Variants in SOX13 observed in about 807,000 individuals in gnomAD.
SOX13 encodes SRY-box transcription factor 13, also known as transcription factor SOX-13.
A neutral mutation model predicts 71.8 loss-of-function variants in SOX13; 28 were observed. The ratio of observed to expected loss-of-function variants is 0.39; its 90% CI spans 0.29 to 0.53. The LOEUF is 0.53. SOX13 is among the 20% of genes least tolerant of loss of function. SOX13 has a pLI of 0.70. For synonymous variants in SOX13, 309 were observed against 317.8 expected, an observed-to-expected ratio of 0.97 and a Z score of 0.29; for missense variants, 627 against 810.3, an observed-to-expected ratio of 0.77 and a Z score of 2.75.
intron 7 of SOX13, chr1:204,119,993 G>A (rs975761474): frequency 3.9e-4 from 59 of 152,290 alleles, no homozygotes; most frequent in African/African-American, 1.3e-3. Context: ...GAGACAAAGC[G>A]AGACATACAG....
At chr1:204,121,680 C>T (rs775867152) in intron 7 of SOX13, among the ~76,000 whole-genome samples, 4 of 150,562 alleles carry the variant, frequency 2.7e-5, no homozygotes, top group South Asian at 2.2e-4. Context: ...TTGGGAAGGG[C>T]GGGAACCCAG....
intron 1 of SOX13, among the ~76,000 whole-genome samples, chr1:204,112,496 T>C (rs1656598250): frequency 1.2e-5 from 1 of 80,784 alleles, no homozygotes; most frequent in Admixed American, 1.6e-4. Context: ...CATGCACACA[T>C]GCGTGCACAC....
intron 1 of SOX13, among the ~76,000 whole-genome samples, chr1:204,101,531 C>G (rs955209186): frequency 7.2e-6 from 1 of 138,438 alleles, no homozygotes; most frequent in African/African-American, 2.7e-5. Flanking sequence ...GGCAGGAGGC[C>G]TTGGAAACAT....
intron 1 of SOX13, among the ~76,000 whole-genome samples, chr1:204,077,547 T>C (rs1655809148): frequency 6.6e-6 from 1 of 152,188 alleles, no homozygotes; most frequent in African/African-American, 2.4e-5. Flanking sequence ...GAACAGTTTA[T>C]AACCTGGAAA....
At position 204,112,993 on chromosome 1, in the gene SOX13, AGAG is replaced by A. The variant is rs755710419; in HGVS notation, c.82_84del (p.Glu28del). The A allele has an allele frequency of 2.4e-5, 38 of 1,613,480 alleles. No homozygotes were observed. Among genetic ancestry groups the A allele is most frequent in the East Asian group, 8.9e-5 (4 of 44,896 alleles). The stretch of plus-strand genomic sequence containing the variant: ...CCATGGTGAACTGCACCATCAAGTC[AGAG>A]GAGAAGAAAGAGCCTTGCCACGAGG... On this transcript the variant is annotated inframe_deletion, in exon 2 of 14. Coordinates refer to ENST00000367204, the MANE Select transcript of SOX13 (RefSeq NM_005686.3).
At chr1:204,114,283 TC>T in intron 2 of SOX13, 37 bp from the exon 3 acceptor site, 1 of 1,407,816 alleles carries the variant, frequency 7.1e-7, no homozygotes, top group East Asian at 2.4e-5. Context: ...TGTCCCCTTC[TC>T]TTGGGGGTTA....
At chr1:204,116,067 C>T (rs1003281173) in intron 4 of SOX13, 1 of 852,520 alleles carries the variant, frequency 1.2e-6, no homozygotes, top group African/African-American at 1.8e-5. Context: ...AAATTGGTAA[C>T]TTGCCTAACA....
chr1:204,109,353 G>A (rs532482913), intron 1 of SOX13, among the ~76,000 whole-genome samples: 1 of 152,314 alleles, frequency 6.6e-6, no homozygotes, highest in South Asian at 2.1e-4. Flanking sequence ...CTCTGTCAAC[G>A]ACCGAACACA....
intron 1 of SOX13, among the ~76,000 whole-genome samples, chr1:204,080,295 A>T (rs1312498664): frequency 2.0e-5 from 3 of 151,992 alleles, no homozygotes; most frequent in African/African-American, 4.8e-5. Context: ...GGGCAGGGTT[A>T]GGGGGAGGGG....
chr1:204,094,957 G>T (rs1251482724), intron 1 of SOX13, among the ~76,000 whole-genome samples: 1 of 152,170 alleles, frequency 6.6e-6, no homozygotes, highest in African/African-American at 2.4e-5. Context: ...AAACTGGGAA[G>T]GCTGCCCAGT....
intron 1 of SOX13, among the ~76,000 whole-genome samples, chr1:204,109,559 C>A (rs1467379343): frequency 6.6e-6 from 1 of 152,130 alleles, no homozygotes; most frequent in African/African-American, 2.4e-5. Context: ...GTAGGCTGTA[C>A]CATCTAGGTT....
At chr1:204,097,706 A>AG (rs1656280613) in intron 1 of SOX13, among the ~76,000 whole-genome samples, 2 of 151,022 alleles carry the variant, frequency 1.3e-5, no homozygotes, top group East Asian at 3.9e-4. Flanking sequence ...AAAAAAAAAA[A>AG]AAGAAAAGAA....
At chr1:204,108,963 T>A (rs1656522882) in intron 1 of SOX13, among the ~76,000 whole-genome samples, 1 of 152,238 alleles carries the variant, frequency 6.6e-6, no homozygotes. Context: ...ATTGCTGCCT[T>A]CGGCTTCAGG....
intron 1 of SOX13, among the ~76,000 whole-genome samples, chr1:204,082,210 G>A (rs1385995445): frequency 1.3e-5 from 2 of 151,254 alleles, no homozygotes; most frequent in Non-Finnish European, 3.0e-5. Flanking sequence ...GTATCTATGA[G>A]TGTGATGTGT....
At chr1:204,098,774 A>G (rs1210460800) in intron 1 of SOX13, among the ~76,000 whole-genome samples, 1 of 152,132 alleles carries the variant, frequency 6.6e-6, no homozygotes, top group African/African-American at 2.4e-5. Context: ...AGCCCTCCAG[A>G]ATGCTGCCTT....
intron 1 of SOX13, among the ~76,000 whole-genome samples, chr1:204,105,636 C>A (rs1471988138): frequency 1.3e-5 from 2 of 152,068 alleles, no homozygotes; most frequent in African/African-American, 4.8e-5. Flanking sequence ...GAACCCCTGA[C>A]CTCAGGTGAT....
Position 204,081,040 on chromosome 1 carries a change from T to C in SOX13, c.-2+7329T>C, listed in dbSNP as rs1360551481. ...AATTCTCCTGCCTCAGCCTCCTGAG[T>C]AGCTGGGATTACAGGCATGCGCGAC... is the stretch of plus-strand genomic sequence containing the variant. On this transcript the variant is annotated intron_variant, in intron 1 of 13. Transcript: ENST00000367204. This position sits in a 1 kb window ranked among gnomAD's most constrained non-coding sequence, Gnocchi z 4.3. 1.3e-5 allele frequency among the ~76,000 whole-genome samples: 2 copies of C among 151,586 alleles called. No individual in the cohort carries two copies. The highest frequency in any genetic ancestry group is 2.9e-5 in the Non-Finnish European group (2 of 67,966).
intron 1 of SOX13, among the ~76,000 whole-genome samples, chr1:204,076,011 C>G (rs1049211412): frequency 6.6e-6 from 1 of 152,156 alleles, no homozygotes; most frequent in Non-Finnish European, 1.5e-5. Context: ...GATTCCAGCC[C>G]CTCAGATCAA....
intron 1 of SOX13, among the ~76,000 whole-genome samples, chr1:204,097,448 T>G (rs1356158311): frequency 6.6e-6 from 1 of 152,036 alleles, no homozygotes; most frequent in Non-Finnish European, 1.5e-5. Flanking sequence ...TCCCAGCACT[T>G]TGGGAGGCCG....
Sources: allele counts gnomAD v4.1 joint callset (sites outside exome capture counted in the v4.1 genomes callset), GRCh38; gene constraint gnomAD v4.1.1; non-coding constraint Gnocchi (gnomAD v3.1); transcripts MANE v1.5; gene names NCBI Gene and HGNC (gene_info 2026-07-23, HGNC 2026-07-21).